EYS: variants seen among roughly 807,000 people sequenced by gnomAD.
EYS encodes the protein protein eyes shut homolog.
EYS carries 250 observed loss-of-function variants against 282.1 expected under a neutral mutation model. The ratio of observed to expected loss-of-function variants is 0.89; its 90% CI spans 0.80 to 0.98. The LOEUF (loss-of-function observed/expected upper bound fraction) is 0.98. Ranked by LOEUF, EYS falls within the 50% of genes least tolerant of loss-of-function variation. EYS has a pLI of 0.00. For synonymous variants in EYS, 1,355 were observed against 1,282.9 expected, an observed-to-expected ratio of 1.06 and a Z score of -1.20; for missense variants, 4,016 against 3,709.0, an observed-to-expected ratio of 1.08 and a Z score of -2.15.
chr6:63,774,444 C>CAA (rs1410615070), intron 40 of EYS, among the ~76,000 whole-genome samples: 2 of 152,160 alleles, frequency 1.3e-5, no homozygotes, highest in East Asian at 3.9e-4. Context: ...GCTGGGATTA[C>CAA]AGGCATGAGC....
At chr6:64,283,913 A>G (rs1054208257) in intron 30 of EYS, among the ~76,000 whole-genome samples, 3 of 152,156 alleles carry the variant, frequency 2.0e-5, no homozygotes, top group African/African-American at 7.2e-5. Context: ...CGCCTCCACG[A>G]TTCAAATTAT....
intron 19 of EYS, among the ~76,000 whole-genome samples, chr6:64,838,736 G>A (rs1765468847): frequency 6.6e-6 from 1 of 151,666 alleles, no homozygotes; most frequent in African/African-American, 2.4e-5. Flanking sequence ...TATCAGAATT[G>A]GTAGACATTA....
chr6:63,823,751 G>A (rs747744520), intron 36 of EYS, among the ~76,000 whole-genome samples: 2 of 151,956 alleles, frequency 1.3e-5, no homozygotes, highest in East Asian at 3.9e-4. Context: ...ATCTTAAAAT[G>A]GGTACTTCTT....
intron 15 of EYS, among the ~76,000 whole-genome samples, chr6:64,936,700 A>T (rs1177045240): frequency 6.6e-6 from 1 of 151,500 alleles, no homozygotes; most frequent in Admixed American, 6.6e-5. Context: ...TCAAATTCTT[A>T]AGAATAGATT....
Position 64,768,843 on chromosome 6 carries a change from C to T in EYS, c.3443+44535G>A, listed in dbSNP as rs915292338. Reference sequence around the variant, plus strand: ...TTTATAATCATATCTTCTACCCTTCCGTTATTCATGTCTGTGAAGGCAGCA... The same window carrying T: ...TTTATAATCATATCTTCTACCCTTCTGTTATTCATGTCTGTGAAGGCAGCA... On this transcript the variant is annotated intron_variant, in intron 22 of 42. Coordinates refer to ENST00000503581, the MANE Select transcript of EYS (RefSeq NM_001142800.2). 6.6e-5 allele frequency among the ~76,000 whole-genome samples: 10 copies of T among 152,176 alleles called. No homozygotes were observed. In the East Asian group the frequency reaches 1.7e-3, roughly 26 times the overall value.
chr6:64,913,309 T>C (rs978105252), intron 15 of EYS, among the ~76,000 whole-genome samples: 2 of 152,136 alleles, frequency 1.3e-5, no homozygotes, highest in African/African-American at 4.8e-5. Context: ...GTAACACAGA[T>C]ACATTGCATA....
At chr6:65,101,200 G>A (rs939228911) in intron 12 of EYS, among the ~76,000 whole-genome samples, 12 of 151,050 alleles carry the variant, frequency 7.9e-5, no homozygotes, top group African/African-American at 1.9e-4. Context: ...TTTGAGAACC[G>A]TTCAAGTAAG....
At chr6:64,563,763 CAAGT>C (rs1430656408) in intron 26 of EYS, among the ~76,000 whole-genome samples, 1 of 151,866 alleles carries the variant, frequency 6.6e-6, no homozygotes, top group African/African-American at 2.4e-5. Flanking sequence ...CAAACAGTCA[CAAGT>C]AATGTCAAAT....
chr6:65,409,961 T>A (rs534839575), intron 5 of EYS, among the ~76,000 whole-genome samples: 10 of 152,094 alleles, frequency 6.6e-5, no homozygotes, highest in Non-Finnish European at 1.3e-4. Context: ...GGATATTTAT[T>A]AATATATAAG....
chr6:63,818,374 T>C (rs1771235965), intron 36 of EYS, among the ~76,000 whole-genome samples: 1 of 152,252 alleles, frequency 6.6e-6, no homozygotes, highest in South Asian at 2.1e-4. Flanking sequence ...TAAGTTTCTG[T>C]TGGAGTTCAC....
intron 29 of EYS, among the ~76,000 whole-genome samples, chr6:64,325,741 T>C (rs1770391610): frequency 6.6e-6 from 1 of 152,090 alleles, no homozygotes. Context: ...CAGGAAACAC[T>C]GGACACACTT....
chr6:65,210,226 C>G (rs530274272), intron 12 of EYS, among the ~76,000 whole-genome samples: 1 of 151,898 alleles, frequency 6.6e-6, no homozygotes, highest in Non-Finnish European at 1.5e-5. Flanking sequence ...CATGCGAATG[C>G]GTAATATGCT....
intron 22 of EYS, among the ~76,000 whole-genome samples, chr6:64,762,774 T>G (rs1773202693): frequency 6.6e-6 from 1 of 152,202 alleles, no homozygotes. Context: ...TCTTTTTCTT[T>G]GCAATACTGA....
At chr6:65,494,441 C>T (rs1441195658) in intron 4 of EYS, among the ~76,000 whole-genome samples, 1 of 149,890 alleles carries the variant, frequency 6.7e-6, no homozygotes, top group African/African-American at 2.5e-5. Flanking sequence ...CCATGCTCGG[C>T]TAATTTTTTT....
At chr6:64,760,867 G>T (rs1015168641) in intron 22 of EYS, among the ~76,000 whole-genome samples, 1 of 152,204 alleles carries the variant, frequency 6.6e-6, no homozygotes, top group African/African-American at 2.4e-5. Context: ...ACTGAAAGAG[G>T]CTGGTGGTAC....
intron 22 of EYS, among the ~76,000 whole-genome samples, chr6:64,679,438 G>A (rs2149903006): frequency 6.6e-6 from 1 of 151,944 alleles, no homozygotes; most frequent in South Asian, 2.1e-4. Flanking sequence ...GTCAACTATT[G>A]GTAGTCATTT....
At chr6:65,387,469 C>T (rs750593839) in intron 7 of EYS, among the ~76,000 whole-genome samples, 1 of 151,038 alleles carries the variant, frequency 6.6e-6, no homozygotes, top group Non-Finnish European at 1.5e-5. Flanking sequence ...TTAAGAAAAG[C>T]CCATAAATTT....
intron 2 of EYS, among the ~76,000 whole-genome samples, chr6:65,542,208 T>C (rs1034833228): frequency 1.3e-5 from 2 of 152,158 alleles, no homozygotes; most frequent in Admixed American, 6.5e-5. Context: ...CACTTCTTTA[T>C]TCCTAATTGG....
intron 18 of EYS, among the ~76,000 whole-genome samples, chr6:64,897,673 G>A (rs1195325919): frequency 1.3e-5 from 2 of 152,140 alleles, no homozygotes; most frequent in Non-Finnish European, 2.9e-5. Context: ...AAAAAAGCAT[G>A]TTCTAACCCA....
Sources: allele counts gnomAD v4.1 joint callset (sites outside exome capture counted in the v4.1 genomes callset), GRCh38; gene constraint gnomAD v4.1.1; transcripts MANE v1.5; gene names NCBI Gene and HGNC (gene_info 2026-07-23, HGNC 2026-07-21).